Variants in APBA2 observed in about 807,000 individuals in gnomAD.
APBA2 encodes amyloid beta precursor protein binding family A member 2, also known as amyloid-beta A4 precursor protein-binding family A member 2.
APBA2 carries 30 observed loss-of-function variants against 75.0 expected under a neutral mutation model. That is an observed-to-expected ratio of 0.40 (90% CI 0.30 to 0.54). APBA2 has a LOEUF of 0.54. APBA2 is among the 20% of genes least tolerant of loss of function. The probability of loss-of-function intolerance (pLI) is 0.49; values close to 1 mark genes in which losing one functional copy is unlikely to be tolerated. For missense variants in APBA2, 801 were observed against 1,016.1 expected (o/e 0.79, Z 2.88); for synonymous variants, 444 against 409.6 (o/e 1.08, Z -1.01).
At chr15:29,017,397 C>CTTTTTTTTTTTT (rs56993296) in intron 3 of APBA2, among the ~76,000 whole-genome samples, 30 of 102,056 alleles carry the variant, frequency 2.9e-4, no homozygotes, top group African/African-American at 3.6e-4. Context: ...TTCTTTCTTT[C>CTTTTTTTTTTTT]TTTTTTTTTT....
At chr15:29,116,996 G>C (rs2045219597) in intron 14 of APBA2, 66 bp from the exon 15 acceptor site, 1 of 1,538,068 alleles carries the variant, frequency 6.5e-7, no homozygotes, top group Non-Finnish European at 9.0e-7. Flanking sequence ...TCTGTCCTTT[G>C]CTTTCACCTG....
At chr15:29,087,609 G>A (rs1046816125) in intron 6 of APBA2, among the ~76,000 whole-genome samples, 3 of 152,198 alleles carry the variant, frequency 2.0e-5, no homozygotes, top group Non-Finnish European at 4.4e-5. Context: ...TTCAGTGGGG[G>A]CATCTCAAGG....
At chr15:29,024,658 T>TG (rs779145344) in intron 3 of APBA2, among the ~76,000 whole-genome samples, 47 of 152,294 alleles carry the variant, frequency 3.1e-4, no homozygotes, top group Non-Finnish European at 5.7e-4. Context: ...TCCAAAGGCT[T>TG]GTGTGTTTTT....
chr15:28,946,727 G>T (rs1026739432), intron 2 of APBA2, among the ~76,000 whole-genome samples: 18 of 152,116 alleles, frequency 1.2e-4, no homozygotes, highest in Non-Finnish European at 1.5e-5. Context: ...ACAGGCACAT[G>T]CCACCATGTC....
intron 3 of APBA2, among the ~76,000 whole-genome samples, chr15:29,041,543 A>C (rs1032761969): frequency 6.6e-6 from 1 of 151,828 alleles, no homozygotes; most frequent in Non-Finnish European, 1.5e-5. Flanking sequence ...GCATCCCCCC[A>C]AAAAAGAAAG....
chr15:29,054,280 T>A lies in APBA2; in HGVS notation c.396T>A (p.Asp132Glu). 1 of 1,614,088 alleles carries A rather than the reference T, an allele frequency of 6.2e-7. No individual in the cohort carries two copies. The highest frequency in any genetic ancestry group is 8.5e-7 in the Non-Finnish European group (1 of 1,180,024). Reference sequence around the variant, plus strand: ...ACAGTGCACACCCTGTGGACACTGATGAGTGCCAGGAGGCGGTGGAGGAGT... The same window carrying A: ...ACAGTGCACACCCTGTGGACACTGAAGAGTGCCAGGAGGCGGTGGAGGAGT... ...LAHSAHPVDTDECQEAVEEWT... is the reference protein window; with the variant it reads ...LAHSAHPVDTEECQEAVEEWT... Residue 132 changes from aspartate (D) to glutamate (E), a missense_variant, in exon 4 of 15, where the codon GAT (aspartate) becomes GAA (glutamate). Asp to Glu is a conservative substitution (Grantham distance 45). Coordinates refer to ENST00000683413, the MANE Select transcript of APBA2 (RefSeq NM_001353788.2). This position sits in a 1 kb window ranked among gnomAD's most constrained non-coding sequence, Gnocchi z 6.1.
At chr15:29,051,836 T>C (rs2041608879) in intron 3 of APBA2, among the ~76,000 whole-genome samples, 1 of 152,120 alleles carries the variant, frequency 6.6e-6, no homozygotes, top group Admixed American at 6.5e-5. Context: ...GGGTCACTGA[T>C]AGCTCCTCTT....
intron 2 of APBA2, among the ~76,000 whole-genome samples, chr15:28,967,695 C>T (rs1481497992): frequency 1.3e-5 from 2 of 152,188 alleles, no homozygotes; most frequent in Non-Finnish European, 2.9e-5. Context: ...GCCTCGGCCT[C>T]CCAAAGTGCT....
At chr15:28,905,446 C>T (rs937897053) in intron 1 of APBA2, among the ~76,000 whole-genome samples, 2 of 152,216 alleles carry the variant, frequency 1.3e-5, no homozygotes, top group African/African-American at 4.8e-5. Flanking sequence ...TTGTTTCATT[C>T]TCCAATACTG....
chr15:29,040,963 C>A (rs1447024969), intron 3 of APBA2, among the ~76,000 whole-genome samples: 1 of 151,630 alleles, frequency 6.6e-6, no homozygotes, highest in Non-Finnish European at 1.5e-5. Flanking sequence ...TAACCATGTT[C>A]CATGAGGTAA....
chr15:29,101,526 C>T (rs1352007369), intron 9 of APBA2, 73 bp from the exon 10 acceptor site: 6 of 1,526,628 alleles, frequency 3.9e-6, no homozygotes, highest in African/African-American at 2.8e-5. Context: ...GCCACCATGC[C>T]CAGCCCTGGA....
At chr15:29,080,340 G>A (rs1247723034) in intron 6 of APBA2, among the ~76,000 whole-genome samples, 2 of 152,164 alleles carry the variant, frequency 1.3e-5, no homozygotes, top group African/African-American at 4.8e-5. Flanking sequence ...CCCTCACGCA[G>A]TGGGTGAGGA....
At chr15:28,912,960 G>A (rs1235194698) in intron 1 of APBA2, among the ~76,000 whole-genome samples, 2 of 152,218 alleles carry the variant, frequency 1.3e-5, no homozygotes, top group Admixed American at 6.5e-5. Flanking sequence ...TAGGCACTGC[G>A]GTGGGCGAGC....
Position 28,987,018 on chromosome 15 carries a change from GTC to G in APBA2, c.-94-8731_-94-8730del, listed in dbSNP as rs532436223. On this transcript the variant is annotated intron_variant, in intron 2 of 14. Coordinates refer to ENST00000683413, the MANE Select transcript of APBA2 (RefSeq NM_001353788.2). ...GGAAGGCTCAGGAGAGTTCTCTGGAGTCTCTTTTACAAAGGCACAAATCCCAT... is the reference window on the plus strand; with the variant it reads ...GGAAGGCTCAGGAGAGTTCTCTGGAGTCTTTTACAAAGGCACAAATCCCAT... Among the ~76,000 whole-genome samples, 460 of 152,276 alleles carry G rather than the reference GTC, an allele frequency of 3.0e-3. 2 individuals are homozygous for G. Among genetic ancestry groups the G allele is most frequent in the Non-Finnish European group, 4.4e-3 (300 of 68,036 alleles).
intron 1 of APBA2, among the ~76,000 whole-genome samples, chr15:28,916,676 C>T (rs1364402047): frequency 4.8e-4 from 73 of 152,330 alleles, no homozygotes; most frequent in African/African-American, 1.7e-3. Context: ...CACGTGTGCT[C>T]GCTGTAGCTC....
At chr15:28,931,295 G>T (rs2034550197) in intron 2 of APBA2, among the ~76,000 whole-genome samples, 2 of 152,194 alleles carry the variant, frequency 1.3e-5, no homozygotes, top group African/African-American at 4.8e-5. Flanking sequence ...GTGGCCTCTG[G>T]TGAGAGACTA....
intron 2 of APBA2, among the ~76,000 whole-genome samples, chr15:28,965,902 C>T (rs1391020610): frequency 1.3e-5 from 2 of 152,154 alleles, no homozygotes; most frequent in Non-Finnish European, 2.9e-5. Flanking sequence ...GTCGTGTTGT[C>T]ATTTTAGTGC....
Position 29,118,067 on chromosome 15 carries a change from A to G in APBA2, c.*934A>G, listed in dbSNP as rs1596031549. The G allele has an allele frequency of 6.5e-6, 1 of 152,724 alleles. No individual in the cohort carries two copies. The highest frequency in any genetic ancestry group is 2.1e-4 in the South Asian group (1 of 4,824). 9.5% of individuals were successfully genotyped at this position (152,724 alleles called of 1,614,324 possible). A position where few individuals can be genotyped will look rare whatever the true frequency, so the allele number is the denominator to read the frequency against. ...CGCAGTGGCCCTGAGCAGTAGTGGC[A>G]TGTGTGTAGATCAAGTCGGATCTAG... On this transcript the variant is annotated 3_prime_UTR_variant, in exon 15 of 15. Coordinates refer to ENST00000683413, the MANE Select transcript of APBA2 (RefSeq NM_001353788.2).
At chr15:29,013,380 C>T (rs1485696773) in intron 3 of APBA2, among the ~76,000 whole-genome samples, 9 of 150,674 alleles carry the variant, frequency 6.0e-5, no homozygotes, top group East Asian at 6.0e-4. Context: ...CACGGGTTCA[C>T]GCCATTCTCC....
Sources: gnomAD v4.1 joint callset for allele counts (sites outside exome capture counted in the v4.1 genomes callset) on GRCh38, gnomAD v4.1.1 for gene constraint, Gnocchi (gnomAD v3.1) non-coding constraint, MANE v1.5 for transcripts, NCBI Gene and HGNC (gene_info 2026-07-23, HGNC 2026-07-21) for gene names.